The following CHIC2 variants were observed in gnomAD, a reference collection of about 807,000 sequenced individuals.
CHIC2 encodes cysteine rich hydrophobic domain 2.
Under a neutral mutation model 25.9 loss-of-function variants are expected in CHIC2, and 14 were observed. The ratio of observed to expected loss-of-function variants is 0.54; its 90% confidence interval spans 0.36 to 0.85. The LOEUF is 0.85. Ranked by LOEUF, CHIC2 falls within the 40% of genes least tolerant of loss-of-function variation. CHIC2 has a pLI of 0.01. For missense variants in CHIC2, 146 were observed against 202.0 expected, an observed-to-expected ratio of 0.72 and a Z score of 1.68; for synonymous variants, 70 against 72.0, an observed-to-expected ratio of 0.97 and a Z score of 0.14.
chr4:54,011,754 A>G (rs1715598227), intron 5 of CHIC2, among the ~76,000 whole-genome samples: 3 of 152,086 alleles, frequency 2.0e-5, no homozygotes, highest in South Asian at 4.1e-4. Context: ...GAGACTGGCC[A>G]CTTGTCTCAT....
At chr4:54,028,802 T>C (rs1426093122) in intron 3 of CHIC2, among the ~76,000 whole-genome samples, 2 of 152,224 alleles carry the variant, frequency 1.3e-5, no homozygotes, top group Non-Finnish European at 2.9e-5. Flanking sequence ...TAAGTGTTTC[T>C]ATCTTAAATT....
intron 3 of CHIC2, among the ~76,000 whole-genome samples, chr4:54,044,983 C>T (rs1716735600): frequency 6.6e-6 from 1 of 152,188 alleles, no homozygotes; most frequent in Non-Finnish European, 1.5e-5. Flanking sequence ...ACCGATCCCA[C>T]AGAAATACAA....
chr4:54,086,832 A>G, the CHIC2 span: 1 of 501,672 alleles, frequency 2.0e-6, no homozygotes, highest in Non-Finnish European at 3.7e-6. Flanking sequence ...GTATCCTCCT[A>G]GACCATCCTG....
intron 1 of CHIC2, 107 bp from the exon 2 acceptor site, chr4:54,049,412 G>A: frequency 3.4e-6 from 2 of 587,238 alleles, no homozygotes; most frequent in Non-Finnish European, 2.9e-6. Flanking sequence ...CACATATGGA[G>A]GAAGTTTTAG....
At chr4:54,013,727 G>T in intron 5 of CHIC2, 110 bp downstream of exon 5, 1 of 1,057,964 alleles carries the variant, frequency 9.5e-7, no homozygotes, top group East Asian at 2.4e-5. Context: ...GCACTCAGGA[G>T]ATTAAGCTCC....
chr4:54,048,739 G>T (rs755387481), intron 3 of CHIC2: 3 of 375,900 alleles, frequency 8.0e-6, no homozygotes, highest in Non-Finnish European at 1.4e-5. Flanking sequence ...ACTACTCCTT[G>T]CTTCTAAAAT....
chr4:54,085,216 T>C, the CHIC2 span, among the ~76,000 whole-genome samples: 2 of 152,182 alleles, frequency 1.3e-5, no homozygotes, highest in South Asian at 4.1e-4. Flanking sequence ...ATTGGTAATT[T>C]TATATTTACA....
chr4:54,024,446 C>G (rs1715996571), intron 3 of CHIC2, among the ~76,000 whole-genome samples: 1 of 152,128 alleles, frequency 6.6e-6, no homozygotes, highest in African/African-American at 2.4e-5. Context: ...TTATGCCACC[C>G]ACTACCTCTC....
At chr4:54,090,808 TG>T in the CHIC2 span, among the ~76,000 whole-genome samples, 2 of 152,100 alleles carry the variant, frequency 1.3e-5, no homozygotes, top group Non-Finnish European at 2.9e-5. Flanking sequence ...GGGTTGGAGA[TG>T]AAATGGATTT....
chr4:54,014,744 CAACT>C (rs1715690971), intron 3 of CHIC2, among the ~76,000 whole-genome samples: 1 of 152,124 alleles, frequency 6.6e-6, no homozygotes, highest in African/African-American at 2.4e-5. Flanking sequence ...TTTCAGGAAT[CAACT>C]GAGAATTTAC....
chr4:54,033,260 A>T (rs1716289923), intron 3 of CHIC2, among the ~76,000 whole-genome samples: 1 of 152,198 alleles, frequency 6.6e-6, no homozygotes, highest in Non-Finnish European at 1.5e-5. Context: ...ATGTAATGTT[A>T]TCATTATGGT....
the CHIC2 span, among the ~76,000 whole-genome samples, chr4:54,075,334 A>G: frequency 2.6e-5 from 4 of 152,174 alleles, no homozygotes; most frequent in Non-Finnish European, 5.9e-5. Flanking sequence ...GGTCCAGAAA[A>G]CTAAATACAC....
intron 1 of CHIC2, among the ~76,000 whole-genome samples, chr4:54,058,563 C>CACACAT (rs1421655022): frequency 8.0e-6 from 1 of 124,514 alleles, no homozygotes; most frequent in African/African-American, 4.9e-5. Context: ...CACACATACA[C>CACACAT]ACACACACAC....
intron 1 of CHIC2, among the ~76,000 whole-genome samples, chr4:54,055,652 T>C (rs1717152802): frequency 1.3e-5 from 2 of 152,108 alleles, no homozygotes; most frequent in South Asian, 2.1e-4. Context: ...ACTGAACATA[T>C]TGGTTATGCA....
chr4:54,046,833 A>G (rs1433596561), intron 3 of CHIC2, among the ~76,000 whole-genome samples: 2 of 152,240 alleles, frequency 1.3e-5, no homozygotes, highest in Admixed American at 6.5e-5. Flanking sequence ...TCTGCACAGC[A>G]AAAGAAACTA....
At chr4:54,032,382 C>G (rs973474184) in intron 3 of CHIC2, among the ~76,000 whole-genome samples, 7 of 148,172 alleles carry the variant, frequency 4.7e-5, no homozygotes, top group African/African-American at 1.8e-4. Flanking sequence ...TCTCCTGCCT[C>G]AGCCTGCCGA....
intron 3 of CHIC2, among the ~76,000 whole-genome samples, chr4:54,046,827 C>T (rs2110083309): frequency 6.6e-6 from 1 of 152,308 alleles, no homozygotes; most frequent in Non-Finnish European, 1.5e-5. Flanking sequence ...AGAGCTTCTG[C>T]ACAGCAAAAG....
chr4:54,062,859 T>C (rs1229007526), intron 1 of CHIC2, among the ~76,000 whole-genome samples: 3 of 152,158 alleles, frequency 2.0e-5, no homozygotes, highest in African/African-American at 4.8e-5. Flanking sequence ...AAAAGTTTAA[T>C]ATCCATGATA....
intron 1 of CHIC2, among the ~76,000 whole-genome samples, chr4:54,057,686 G>A (rs1042843481): frequency 3.3e-5 from 5 of 151,992 alleles, no homozygotes; most frequent in African/African-American, 1.2e-4. Flanking sequence ...TGCAATACCT[G>A]GCAGAAAAAT....
Sources: gnomAD v4.1 joint callset for allele counts (sites outside exome capture counted in the v4.1 genomes callset) on GRCh38, gnomAD v4.1.1 for gene constraint, MANE v1.5 for transcripts, NCBI Gene and HGNC (gene_info 2026-07-23, HGNC 2026-07-21) for gene names.